Variants in H1-10 observed in about 807,000 individuals in gnomAD.
The protein encoded by H1-10 is H1.10 linker histone.
For missense variants in H1-10, 307 were observed against 297.9 expected, an observed-to-expected ratio of 1.03 and a Z score of -0.22; for synonymous variants, 191 against 140.9, an observed-to-expected ratio of 1.36 and a Z score of -2.52.
chr3:129,315,390 C>T lies in H1-10; in HGVS notation c.513G>A (p.Ser171=), dbSNP rs1215616079. 1.9e-6 allele frequency: 3 copies of T among 1,539,254 alleles called. No individual in the cohort carries two copies. The highest frequency in any genetic ancestry group is 1.7e-6 in the Non-Finnish European group (2 of 1,149,130). Residue 171 remains serine, a synonymous_variant, in exon 1 of 1, where the codon TCG becomes TCA. Transcript: ENST00000333762. ...TCTTGGCGCCAGCGCCCTTCTTGTGCGAGCGCTGCTCCGGCTTCTGGCCCC... is the reference window on the plus strand; with the variant it reads ...TCTTGGCGCCAGCGCCCTTCTTGTGTGAGCGCTGCTCCGGCTTCTGGCCCC... ...PARGQKPEQR[S]HKKGAGAKKD...
chr3:129,315,869 T>C lies in H1-10; in HGVS notation c.34A>G (p.Thr12Ala). 2 of 1,596,930 alleles carry C rather than the reference T, an allele frequency of 1.3e-6. No homozygotes were observed. The highest frequency in any genetic ancestry group is 1.7e-6 in the Non-Finnish European group (2 of 1,172,346). The change falls in exon 1 of 1, where the codon ACG (threonine) becomes GCG (alanine). Residue 12 changes from threonine (T) to alanine (A), a missense_variant. Thr to Ala is a moderately conservative substitution (Grantham distance 58). Transcript: ENST00000333762. ...TTCTTGGCCATTCCCTCGGCGGTCG[T>C]CACTGGCAGGGCCTCCTCGAGCTCC... ...SVELEEALPV[T>A]TAEGMAKKVT... is the part of the protein sequence containing the mutation.
chr3:129,315,443 A>T lies in H1-10; in HGVS notation c.460T>A (p.Ser154Thr), dbSNP rs762813979. ...AKKAAPGAAGSRRADKKPARG... is the reference protein window; with the variant it reads ...AKKAAPGAAGTRRADKKPARG... ...GCGGGCTTCTTGTCCGCGCGCCGGG[A>T]GCCGGCCGCGCCCGGGGCTGCCTTC... The change falls in exon 1 of 1, where the codon TCC (serine) becomes ACC (threonine). Residue 154 changes from serine (S) to threonine (T), a missense_variant. By Grantham distance (58) the Ser-to-Thr change is moderately conservative. Transcript: ENST00000333762. 1 of 1,469,796 alleles carries T rather than the reference A, an allele frequency of 6.8e-7. No homozygotes were observed. Among genetic ancestry groups the T allele is most frequent in the Non-Finnish European group, 9.0e-7 (1 of 1,117,280 alleles). The allele number at this position is 1,469,796 out of a possible 1,614,324, so 91.0% of individuals were successfully genotyped here. A position where few individuals can be genotyped will look rare whatever the true frequency, so the allele number is the denominator to read the frequency against.
chr3:129,315,789 A>G lies in H1-10; in HGVS notation c.114T>C (p.Asn38=), dbSNP rs1195519578. The G allele has an allele frequency of 5.6e-6, 9 of 1,604,728 alleles. No homozygotes were observed. The highest frequency in any genetic ancestry group is 1.1e-5 in the South Asian group (1 of 89,280). Residue 38 remains asparagine, a synonymous_variant, in exon 1 of 1, where the codon AAT becomes AAC. Transcript: ENST00000333762. ...AALSPSKKRK[N]SKKKNQPGKY... Reference sequence around the variant, plus strand: ...TGCCCGGCTGGTTCTTCTTCTTGCTATTCTTCCTCTTCTTAGATGGGGACA... The same window carrying G: ...TGCCCGGCTGGTTCTTCTTCTTGCTGTTCTTCCTCTTCTTAGATGGGGACA...
chr3:129,315,289 A>G lies in H1-10; in HGVS notation c.614T>C (p.Val205Ala). 1 of 1,467,320 alleles carries G rather than the reference A, an allele frequency of 6.8e-7. No individual in the cohort carries two copies. Among genetic ancestry groups the G allele is most frequent in the Non-Finnish European group, 9.0e-7 (1 of 1,110,550 alleles). 90.9% of individuals were successfully genotyped at this position (1,467,320 alleles called of 1,614,324 possible). The change falls in exon 1 of 1, where the codon GTC becomes GCC. Residue 205 changes from valine (V) to alanine (A), a missense_variant. By Grantham distance (64) the Val-to-Ala change is moderately conservative (BLOSUM62 0). Coordinates refer to ENST00000333762, the MANE Select transcript of H1-10 (RefSeq NM_006026.4). The part of the protein sequence containing the change: ...KKVKKAAKPS[V>A]PKVPKGRK The stretch of plus-strand genomic sequence containing the variant: ...CTTGCGGCCCTTGGGCACTTTGGGG[A>G]CGCTGGGCTTGGCCGCCTTCTTCAC...
In H1-10 at chr3:129,315,279, C is replaced by G. The variant is rs761893479; in HGVS notation, c.624G>C (p.Val208=). Residue 208 remains valine, a synonymous_variant, in exon 1 of 1, where the codon GTG becomes GTC. Transcript: ENST00000333762. ...GACACGCTCACTTGCGGCCCTTGGG[C>G]ACTTTGGGGACGCTGGGCTTGGCCG... ...KKAAKPSVPK[V]PKGRK The G allele has an allele frequency of 1.5e-5, 21 of 1,444,102 alleles. No homozygotes were observed. The highest frequency in any genetic ancestry group is 1.9e-5 in the Non-Finnish European group (21 of 1,099,950). 89.5% of individuals were successfully genotyped at this position (1,444,102 alleles called of 1,614,324 possible).
In H1-10 at chr3:129,315,171, G is replaced by A; in HGVS notation, c.*90C>T. On this transcript the variant is annotated 3_prime_UTR_variant, in exon 1 of 1. Transcript: ENST00000333762. ...CAGACCAGGCCTCGCGGCCCCGGCC[G>A]GCGTGAGCCGTACAAAATCTACGTC... 1 of 1,172,566 alleles carries A rather than the reference G, an allele frequency of 8.5e-7. No homozygotes were observed. Among genetic ancestry groups the A allele is most frequent in the Non-Finnish European group, 1.1e-6 (1 of 925,932 alleles). The allele number at this position is 1,172,566 out of a possible 1,614,324, so 72.6% of individuals were successfully genotyped here.
rs771940616 is a variant in H1-10, at chr3:129,315,792, C to T, written c.111G>A (p.Lys37=). The T allele has an allele frequency of 6.2e-7, 1 of 1,604,806 alleles. No homozygotes were observed. The highest frequency in any genetic ancestry group is 1.1e-5 in the South Asian group (1 of 89,208). The part of the protein sequence containing the change: ...SAALSPSKKR[K]NSKKKNQPGK... ...CCGGCTGGTTCTTCTTCTTGCTATT[C>T]TTCCTCTTCTTAGATGGGGACAACG... Residue 37 remains lysine (K), a synonymous_variant, in exon 1 of 1, where the codon AAG becomes AAA. Coordinates refer to ENST00000333762, the MANE Select transcript of H1-10 (RefSeq NM_006026.4).
In H1-10 at chr3:129,315,362, C is replaced by T. The variant is rs2071291596; in HGVS notation, c.541G>A (p.Asp181Asn). 1.3e-5 allele frequency: 20 copies of T among 1,547,178 alleles called. 1 individual carries two copies. The highest frequency in any genetic ancestry group is 2.5e-5 in the East Asian group (1 of 39,632). Reference protein sequence around the residue: ...SHKKGAGAKKDKGGKAKKTAA... With the variant: ...SHKKGAGAKKNKGGKAKKTAA... ...GTCTTCTTGGCCTTGCCGCCTTTGT[C>T]CTTCTTGGCGCCAGCGCCCTTCTTG... is the stretch of plus-strand genomic sequence containing the variant. The change falls in exon 1 of 1, where the codon GAC (aspartate) becomes AAC (asparagine). Residue 181 changes from aspartate to asparagine, a missense_variant. By Grantham distance (23) the Asp-to-Asn change is conservative. Coordinates refer to ENST00000333762, the MANE Select transcript of H1-10 (RefSeq NM_006026.4).
rs2071295935 is a variant in H1-10 at position 129,315,644 on chromosome 3, T to C, written c.259A>G (p.Thr87Ala). 2 of 1,587,302 alleles carry C rather than the reference T, an allele frequency of 1.3e-6. No homozygotes were observed. The highest frequency in any genetic ancestry group is 1.3e-5 in the African/African-American group (1 of 74,078). Residue 87 changes from threonine (T) to alanine (A), a missense_variant, in exon 1 of 1, where the codon ACC becomes GCC. By Grantham distance (58) the Thr-to-Ala change is moderately conservative. Coordinates refer to ENST00000333762, the MANE Select transcript of H1-10 (RefSeq NM_006026.4). ...GCCTTGATCGAGTACTTGAGGTAGG[T>C]GCGCCCATTCTGCTGGTCGAACCAC... ...VPWFDQQNGRTYLKYSIKALV... is the reference protein window; with the variant it reads ...VPWFDQQNGRAYLKYSIKALV...
At position 129,315,639 on chromosome 3, in the gene H1-10, G is replaced by A. The variant is rs2071295890; in HGVS notation, c.264C>T (p.Tyr88=). 1 of 1,587,092 alleles carries A rather than the reference G, an allele frequency of 6.3e-7. No individual in the cohort carries two copies. Among genetic ancestry groups the A allele is most frequent in the Non-Finnish European group, 8.6e-7 (1 of 1,168,036 alleles). ...PWFDQQNGRT[Y]LKYSIKALVQ... ...CCAGCGCCTTGATCGAGTACTTGAG[G>A]TAGGTGCGCCCATTCTGCTGGTCGA... is the stretch of plus-strand genomic sequence containing the variant. Residue 88 remains tyrosine (Y), a synonymous_variant, in exon 1 of 1, where the codon TAC becomes TAT. Transcript: ENST00000333762.
chr3:129,315,978 A>T lies in H1-10; in HGVS notation c.-76T>A. ...CCGGGAAGAGGAAGGCGAGGGGCCG[A>T]GGGGGTGCAGGGGGGCTGGGGGCGC... On this transcript the variant is annotated 5_prime_UTR_variant, in exon 1 of 1. Coordinates refer to ENST00000333762, the MANE Select transcript of H1-10 (RefSeq NM_006026.4). 4.7e-4 allele frequency: 8 copies of T among 16,998 alleles called. No individual in the cohort carries two copies. Among genetic ancestry groups the T allele is most frequent in the South Asian group, 6.8e-4 (1 of 1,468 alleles). The allele number at this position is 16,998 out of a possible 1,614,324, so 1.1% of individuals were successfully genotyped here.
Position 129,315,803 on chromosome 3 carries a change from T to C in H1-10, c.100A>G (p.Lys34Glu). 6.2e-7 allele frequency: 1 copy of C among 1,604,800 alleles called. No homozygotes were observed. The highest frequency in any genetic ancestry group is 8.5e-7 in the Non-Finnish European group (1 of 1,176,426). The stretch of plus-strand genomic sequence containing the variant: ...TTCTTCTTGCTATTCTTCCTCTTCT[T>C]AGATGGGGACAACGCCGCCGAGCCG... ...AGGSAALSPS[K>E]KRKNSKKKNQ... Residue 34 changes from lysine to glutamate, a missense_variant, in exon 1 of 1, where the codon AAG becomes GAG. Transcript: ENST00000333762.
In H1-10 at chr3:129,316,115, G is replaced by C. The variant is rs1254823970; in HGVS notation, c.-213C>G. ...GGTTGGGGGGCCCGGAGCCGGGGCC[G>C]GACTAGGGGACCGAGTTGGGGGTCA... On this transcript the variant is annotated 5_prime_UTR_variant, in exon 1 of 1. Transcript: ENST00000333762. The C allele has an allele frequency of 6.3e-6, 1 of 159,424 alleles. No homozygotes were observed. Among genetic ancestry groups the C allele is most frequent in the South Asian group, 2.0e-4 (1 of 5,110 alleles). 9.9% of individuals were successfully genotyped at this position (159,424 alleles called of 1,614,324 possible).
chr3:129,315,324 C>T lies in H1-10; in HGVS notation c.579G>A (p.Gly193=), dbSNP rs770636892. 3 of 1,514,690 alleles carry T rather than the reference C, an allele frequency of 2.0e-6. No homozygotes were observed. Among genetic ancestry groups the T allele is most frequent in the African/African-American group, 1.4e-5 (1 of 70,024 alleles). The allele number at this position is 1,514,690 out of a possible 1,614,324, so 93.8% of individuals were successfully genotyped here. The change falls in exon 1 of 1, where the codon GGG becomes GGA. Residue 193 remains glycine, a synonymous_variant. Coordinates refer to ENST00000333762, the MANE Select transcript of H1-10 (RefSeq NM_006026.4). ...TGGCCGCCTTCTTCACCTTCTTGCC[C>T]CCGGCGGCCGCCGTCTTCTTGGCCT... ...GGKAKKTAAA[G]GKKVKKAAKP...
In H1-10 at chr3:129,315,135, T is replaced by G; in HGVS notation, c.*126A>C. On this transcript the variant is annotated 3_prime_UTR_variant, in exon 1 of 1. Transcript: ENST00000333762. ...AAAGACTGAGAGGACCCGGGGCCCC[T>G]CCCTGAGGCTCAGACCAGGCCTCGC... The G allele has an allele frequency of 1.3e-6, 1 of 794,280 alleles. No individual in the cohort carries two copies. Among genetic ancestry groups the G allele is most frequent in the Non-Finnish European group, 1.7e-6 (1 of 586,776 alleles). The allele number at this position is 794,280 out of a possible 1,614,324, so 49.2% of individuals were successfully genotyped here.
rs1044009760 is a variant in H1-10, at chr3:129,315,056, T to A, written c.*205A>T. The A allele has an allele frequency of 2.5e-6, 1 of 402,376 alleles. No individual in the cohort carries two copies. Among genetic ancestry groups the A allele is most frequent in the Non-Finnish European group, 4.3e-6 (1 of 234,690 alleles). 24.9% of individuals were successfully genotyped at this position (402,376 alleles called of 1,614,324 possible). A position where few individuals can be genotyped will look rare whatever the true frequency, so the allele number is the denominator to read the frequency against. On this transcript the variant is annotated 3_prime_UTR_variant, in exon 1 of 1. Coordinates refer to ENST00000333762, the MANE Select transcript of H1-10 (RefSeq NM_006026.4). Reference sequence around the variant, plus strand: ...GAGCCAATAGAGGCGTCGCCGGGGCTGTTTCAAAAACCTAAAGCAAACAAC... The same window carrying A: ...GAGCCAATAGAGGCGTCGCCGGGGCAGTTTCAAAAACCTAAAGCAAACAAC...
In H1-10 at chr3:129,315,156, C is replaced by T; in HGVS notation, c.*105G>A. ...CCCCTCCCTGAGGCTCAGACCAGGC[C>T]TCGCGGCCCCGGCCGGCGTGAGCCG... On this transcript the variant is annotated 3_prime_UTR_variant, in exon 1 of 1. Coordinates refer to ENST00000333762, the MANE Select transcript of H1-10 (RefSeq NM_006026.4). 1.9e-6 allele frequency: 2 copies of T among 1,066,230 alleles called. No homozygotes were observed. The highest frequency in any genetic ancestry group is 8.3e-5 in the South Asian group (2 of 24,076). 66.0% of individuals were successfully genotyped at this position (1,066,230 alleles called of 1,614,324 possible).
chr3:129,315,771 C>T lies in H1-10; in HGVS notation c.132G>A (p.Gln44=). 1 of 1,603,544 alleles carries T rather than the reference C, an allele frequency of 6.2e-7. No homozygotes were observed. Among genetic ancestry groups the T allele is most frequent in the African/African-American group, 1.3e-5 (1 of 74,862 alleles). The change falls in exon 1 of 1, where the codon CAG becomes CAA. Residue 44 remains glutamine (Q), a synonymous_variant. Transcript: ENST00000333762. The stretch of plus-strand genomic sequence containing the variant: ...CCACCAGCTGGCTGTACTTGCCCGG[C>T]TGGTTCTTCTTCTTGCTATTCTTCC... ...KKRKNSKKKN[Q]PGKYSQLVVE... is the part of the protein sequence containing the mutation.
Position 129,315,519 on chromosome 3 carries a change from G to A in H1-10, c.384C>T (p.Arg128=). 1 of 1,537,108 alleles carries A rather than the reference G, an allele frequency of 6.5e-7. No homozygotes were observed. The highest frequency in any genetic ancestry group is 8.7e-7 in the Non-Finnish European group (1 of 1,144,890). The change falls in exon 1 of 1, where the codon CGC becomes CGT. Residue 128 remains arginine, a synonymous_variant. Coordinates refer to ENST00000333762, the MANE Select transcript of H1-10 (RefSeq NM_006026.4). ...GGGCGGTGGCGGCCGCCGGGGCTCC[G>A]CGCCGCTCCCCGCCGCCCTCCAGCT... ...RKKLEGGGER[R]GAPAAATAPA...
Sources: gnomAD v4.1 joint callset for allele counts on GRCh38, gnomAD v4.1.1 for gene constraint, MANE v1.5 for transcripts, NCBI Gene and HGNC (gene_info 2026-07-23, HGNC 2026-07-21) for gene names.